ABCB1: variants seen among roughly 807,000 people sequenced by gnomAD.
ABCB1 encodes ATP binding cassette subfamily B member 1.
Under a neutral mutation model 142.0 loss-of-function variants are expected in ABCB1, and 69 were observed. That is an observed-to-expected ratio of 0.49 (90% CI 0.40 to 0.59). The LOEUF (loss-of-function observed/expected upper bound fraction) is 0.59, where lower values mean the gene tolerates loss of function less well. ABCB1 is among the 20% of genes least tolerant of loss of function. ABCB1 has a pLI of 0.00. For missense variants in ABCB1, 1,326 were observed against 1,554.7 expected (o/e 0.85, Z 2.47); for synonymous variants, 532 against 539.2 (o/e 0.99, Z 0.18).
intron 21 of ABCB1, among the ~76,000 whole-genome samples, chr7:87,523,790 G>T (rs552871647): frequency 6.6e-6 from 1 of 152,036 alleles, no homozygotes; most frequent in Non-Finnish European, 1.5e-5. Context: ...TACATCAGCC[G>T]CACCACCTTG....
intron 7 of ABCB1, chr7:87,564,097 G>A (rs1457453222): frequency 2.2e-6 from 1 of 447,674 alleles, no homozygotes; most frequent in Non-Finnish European, 4.5e-6. Flanking sequence ...GAAATAATCT[G>A]TATAACAAAT....
intron 1 of ABCB1, among the ~76,000 whole-genome samples, chr7:87,670,548 C>G (rs1034083802): frequency 6.6e-6 from 1 of 152,230 alleles, no homozygotes; most frequent in Non-Finnish European, 1.5e-5. Flanking sequence ...ATACAATACT[C>G]TGAACATTTG....
chr7:87,683,201 T>A (rs930807175), intron 1 of ABCB1, among the ~76,000 whole-genome samples: 5 of 152,230 alleles, frequency 3.3e-5, no homozygotes, highest in African/African-American at 1.2e-4. Flanking sequence ...TGGATTAGGC[T>A]TTGGCTTAAG....
chr7:87,527,479 C>A (rs1371517650), intron 21 of ABCB1, among the ~76,000 whole-genome samples: 1 of 152,130 alleles, frequency 6.6e-6, no homozygotes, highest in Non-Finnish European at 1.5e-5. Context: ...TGGCAGGCAA[C>A]TAACTGCAGC....
At position 87,710,784 on chromosome 7, in the gene ABCB1, C is replaced by CA. The variant is rs1384288519; in HGVS notation, c.-331+2376dup. On this transcript the variant is annotated intron_variant, in intron 1 of 28. Coordinates refer to the ABCB1 transcript ENST00000265724. ...TTTATTTCCTCCTTTTGTTACTACT[C>CA]AGATAAATCCACTGTCTTCTTAGGA... is the stretch of plus-strand genomic sequence containing the variant. 14 of 512,860 alleles carry CA rather than the reference C, an allele frequency of 2.7e-5. No individual in the cohort carries two copies. In the East Asian group the frequency reaches 4.5e-4, roughly 17 times the overall value. 31.8% of individuals were successfully genotyped at this position (512,860 alleles called of 1,614,324 possible). A position where few individuals can be genotyped will look rare whatever the true frequency, so the allele number is the denominator to read the frequency against.
chr7:87,598,209 A>G (rs1029248804), intron 2 of ABCB1, among the ~76,000 whole-genome samples: 2 of 152,220 alleles, frequency 1.3e-5, no homozygotes, highest in Admixed American at 1.3e-4. Context: ...TTACAAAATT[A>G]CTTTATCTTT....
intron 1 of ABCB1, among the ~76,000 whole-genome samples, chr7:87,644,060 T>C (rs1029260096): frequency 2.6e-5 from 4 of 152,122 alleles, no homozygotes; most frequent in East Asian, 1.9e-4. Context: ...AGTTTCACCA[T>C]GTTGGCCAGG....
At chr7:87,640,916 T>G (rs1822384322) in intron 1 of ABCB1, among the ~76,000 whole-genome samples, 1 of 152,200 alleles carries the variant, frequency 6.6e-6, no homozygotes, top group Admixed American at 6.5e-5. Flanking sequence ...AAAACCTGTC[T>G]TTTTACCTAT....
chr7:87,621,066 GA>G (rs1820204305), intron 1 of ABCB1, among the ~76,000 whole-genome samples: 1 of 152,018 alleles, frequency 6.6e-6, no homozygotes, highest in Non-Finnish European at 1.5e-5. Context: ...CAAATATTGG[GA>G]AGATGTTAAT....
At chr7:87,542,991 A>C (rs1197528697) in intron 17 of ABCB1, among the ~76,000 whole-genome samples, 1 of 152,198 alleles carries the variant, frequency 6.6e-6, no homozygotes, top group Non-Finnish European at 1.5e-5. Flanking sequence ...TTTTTTCAAC[A>C]ACTAGAAAAA....
chr7:87,581,544 C>T (rs549168347), intron 4 of ABCB1, among the ~76,000 whole-genome samples: 3 of 152,164 alleles, frequency 2.0e-5, no homozygotes, highest in Non-Finnish European at 2.9e-5. Flanking sequence ...GCAAAGGCTA[C>T]ACATATTCTA....
At chr7:87,570,071 T>C in intron 5 of ABCB1, 101 bp downstream of exon 5, 1 of 1,038,788 alleles carries the variant, frequency 9.6e-7, no homozygotes, top group Non-Finnish European at 1.5e-6. Context: ...AGAGTATTGT[T>C]CTCCTTAAAA....
chr7:87,576,974 C>T (rs969034068), intron 4 of ABCB1, among the ~76,000 whole-genome samples: 3 of 152,048 alleles, frequency 2.0e-5, no homozygotes. Flanking sequence ...TGACTGTAGT[C>T]ACCCTGTTGT....
At chr7:87,615,084 G>A (rs1584924588) in intron 1 of ABCB1, among the ~76,000 whole-genome samples, 2 of 152,132 alleles carry the variant, frequency 1.3e-5, no homozygotes, top group Admixed American at 6.6e-5. Context: ...TGACCCGCCC[G>A]CCTCGGCCTC....
chr7:87,514,191 C>T (rs1815134195), intron 25 of ABCB1, among the ~76,000 whole-genome samples: 1 of 152,174 alleles, frequency 6.6e-6, no homozygotes, highest in Non-Finnish European at 1.5e-5. Context: ...ATGCTACCAG[C>T]GTCCATACAC....
chr7:87,652,666 CTGTAACTTT>C (rs900897646), intron 1 of ABCB1, among the ~76,000 whole-genome samples: 2 of 133,430 alleles, frequency 1.5e-5, no homozygotes, highest in Non-Finnish European at 3.1e-5. Context: ...ATGAAATAAT[CTGTAACTTT>C]TGAGATGAGG....
At chr7:87,650,146 T>C (rs1823436075) in intron 1 of ABCB1, among the ~76,000 whole-genome samples, 1 of 151,886 alleles carries the variant, frequency 6.6e-6, no homozygotes, top group Admixed American at 6.6e-5. Context: ...AGCTCAAATT[T>C]CTTACAAGTA....
rs28381893 is a variant in ABCB1 at position 87,551,659 on chromosome 7, T to C, written c.1000-821A>G. Among the ~76,000 whole-genome samples, 778 of 149,908 alleles carry C rather than the reference T, an allele frequency of 5.2e-3. 5 individuals carry two copies. Among genetic ancestry groups the C allele is most frequent in the African/African-American group, 0.018 (741 of 40,852 alleles). On this transcript the variant is annotated intron_variant, in intron 9 of 27. Transcript: ENST00000622132. ...ACAAGTGCCACCATATCTGGCTAAT[T>C]AAAAAAAAAAATTATAGAGATGAGA...
At chr7:87,570,279 T>C (rs1298188795) in intron 4 of ABCB1, 56 bp from the exon 5 acceptor site, 3 of 1,481,258 alleles carry the variant, frequency 2.0e-6, no homozygotes, top group Admixed American at 1.7e-5. Context: ...CCATTAAAAA[T>C]AAACATGTAA....
Sources: gnomAD v4.1 joint callset for allele counts (sites outside exome capture counted in the v4.1 genomes callset) on GRCh38, gnomAD v4.1.1 for gene constraint, MANE v1.5 for transcripts, NCBI Gene and HGNC (gene_info 2026-07-23, HGNC 2026-07-21) for gene names.